PSD: variants seen among roughly 807,000 people sequenced by gnomAD.
PSD encodes the protein pleckstrin and Sec7 domain containing, also known as PH and SEC7 domain-containing protein 1.
Under a neutral mutation model 91.6 loss-of-function variants are expected in PSD, and 32 were observed. The observed-to-expected ratio is 0.35, with a 90% CI of 0.26 to 0.47. PSD has a LOEUF of 0.47. PSD is among the 20% of genes least tolerant of loss of function. The pLI is 1.00. For synonymous variants in PSD, 532 were observed against 569.3 expected, an observed-to-expected ratio of 0.93 and a Z score of 0.93; for missense variants, 1,099 against 1,373.9, an observed-to-expected ratio of 0.80 and a Z score of 3.16.
rs2061334961 is a variant in PSD at position 102,404,379 on chromosome 10, T to C, written c.2700+204A>G. Among the ~76,000 whole-genome samples the C allele has an allele frequency of 6.6e-6, 1 of 151,678 alleles. No homozygotes were observed. Among genetic ancestry groups the C allele is most frequent in the South Asian group, 2.1e-4 (1 of 4,820 alleles). On this transcript the variant is annotated intron_variant, in intron 15 of 16. Transcript: ENST00000020673. This position sits in a 1 kb window ranked among gnomAD's most constrained non-coding sequence, Gnocchi z 5.7. Reference sequence around the variant, plus strand: ...AAAAAAAAAAAAGATGCCCCTTCCTTTGGACAAACAAAGCACTATGTTTGG... The same window carrying C: ...AAAAAAAAAAAAGATGCCCCTTCCTCTGGACAAACAAAGCACTATGTTTGG...
chr10:102,407,456 G>A (rs112132242), intron 10 of PSD, among the ~76,000 whole-genome samples, 190 bp from the exon 11 acceptor site: 1 of 152,176 alleles, frequency 6.6e-6, no homozygotes, highest in Admixed American at 6.5e-5. Context: ...GCATGACTTC[G>A]GGCAAGTATC....
chr10:102,405,783 T>C lies in PSD; in HGVS notation c.2136-247A>G. On this transcript the variant is annotated intron_variant, in intron 11 of 16. Coordinates refer to ENST00000020673, the MANE Select transcript of PSD (RefSeq NM_002779.5). This position sits in a 1 kb window ranked among gnomAD's most constrained non-coding sequence, Gnocchi z 5.4. ...ACCACTGTCCCTTCCTCCCAGCAAGTAGGGCCAGCACTATCCTCTCCATTG... is the reference window on the plus strand; with the variant it reads ...ACCACTGTCCCTTCCTCCCAGCAAGCAGGGCCAGCACTATCCTCTCCATTG... 1.9e-6 allele frequency: 1 copy of C among 524,204 alleles called. No homozygotes were observed. Among genetic ancestry groups the C allele is most frequent in the East Asian group, 3.0e-5 (1 of 32,930 alleles). The allele number at this position is 524,204 out of a possible 1,614,324, so 32.5% of individuals were successfully genotyped here. A position where few individuals can be genotyped will look rare whatever the true frequency, so the allele number is the denominator to read the frequency against.
Position 102,404,088 on chromosome 10 carries a change from C to A in PSD, c.2701-103G>T. ...TTCCAGCCGGGCGCGGTGGCTCACG[C>A]CTGTAATCCCAGCACTTTGGGAGGC... On this transcript the variant is annotated intron_variant, in intron 15 of 16. Transcript: ENST00000020673. This position sits in a 1 kb window ranked among gnomAD's most constrained non-coding sequence, Gnocchi z 5.7. 3 of 1,369,058 alleles carry A rather than the reference C, an allele frequency of 2.2e-6. No individual in the cohort carries two copies. The East Asian group carries it at 7.7e-5, about 35-fold the overall frequency. 84.8% of individuals were successfully genotyped at this position (1,369,058 alleles called of 1,614,324 possible).
In PSD at chr10:102,415,134, C is replaced by T. The variant is rs759731362; in HGVS notation, c.853G>A (p.Glu285Lys). 8.1e-6 allele frequency: 13 copies of T among 1,613,726 alleles called. No homozygotes were observed. The highest frequency in any genetic ancestry group is 1.3e-5 in the African/African-American group (1 of 75,056). The change falls in exon 4 of 17, where the codon GAG (glutamate) becomes AAG (lysine). Residue 285 changes from glutamate (E) to lysine (K), a missense_variant. Glu to Lys is a moderately conservative substitution (Grantham distance 56). Coordinates refer to ENST00000020673, the MANE Select transcript of PSD (RefSeq NM_002779.5). ...AGGGGCACCGTGTCCAGGTCTGTCT[C>T]GGAGTACTTGGCTGCTCGCCCCACA... ...VAVGRAAKYS[E>K]TDLDTVPLRC...
Position 102,416,425 on chromosome 10 carries a change from G to A in PSD, c.614C>T (p.Thr205Ile). The A allele has an allele frequency of 1.2e-6, 2 of 1,610,204 alleles. No individual in the cohort carries two copies. Among genetic ancestry groups the A allele is most frequent in the Non-Finnish European group, 1.7e-6 (2 of 1,178,506 alleles). Reference protein sequence around the residue: ...GLGGPPERLATLFGGPADTGF... With the variant: ...GLGGPPERLAILFGGPADTGF... ...AGTGTCAGCAGGTCCTCCGAAGAGT[G>A]TGGCCAGGCGCTCAGGGGGGCCCCC... is the stretch of plus-strand genomic sequence containing the variant. Residue 205 changes from threonine to isoleucine, a missense_variant, in exon 2 of 17, where the codon ACA becomes ATA. Transcript: ENST00000020673. The surrounding 1 kb of genome is among the most constrained non-coding windows in gnomAD (Gnocchi z 6.0).
chr10:102,408,495 C>T (rs1254179969), intron 10 of PSD, among the ~76,000 whole-genome samples: 3 of 152,174 alleles, frequency 2.0e-5, no homozygotes, highest in Admixed American at 2.0e-4. Context: ...CCCAGCATGG[C>T]TCAGACCCTT....
chr10:102,408,265 C>T (rs892787208), intron 10 of PSD, among the ~76,000 whole-genome samples: 27 of 152,120 alleles, frequency 1.8e-4, no homozygotes, highest in Non-Finnish European at 3.8e-4. Context: ...TGGGACACAG[C>T]CTCCCCTTCA....
Position 102,417,009 on chromosome 10 carries a change from C to T in PSD, c.30G>A (p.Ser10=), listed in dbSNP as rs200392028. The T allele has an allele frequency of 4.5e-5, 71 of 1,582,336 alleles. No homozygotes were observed. Among genetic ancestry groups the T allele is most frequent in the Admixed American group, 2.6e-4 (15 of 57,032 alleles). Residue 10 remains serine (S), a synonymous_variant, in exon 2 of 17, where the codon TCG becomes TCA. Coordinates refer to ENST00000020673, the MANE Select transcript of PSD (RefSeq NM_002779.5). MAQGAMRFC[S]EGDCAISPPR... Reference sequence around the variant, plus strand: ...GTGGGGAGATGGCACAGTCGCCTTCCGAGCAGAAGCGCATGGCACCCTGGG... The same window carrying T: ...GTGGGGAGATGGCACAGTCGCCTTCTGAGCAGAAGCGCATGGCACCCTGGG...
rs993108715 is a variant in PSD at position 102,414,410 on chromosome 10, C to A, written c.1125-213G>T. Among the ~76,000 whole-genome samples the A allele has an allele frequency of 1.3e-5, 2 of 152,096 alleles. No individual in the cohort carries two copies. The highest frequency in any genetic ancestry group is 6.5e-5 in the Admixed American group (1 of 15,278). On this transcript the variant is annotated intron_variant, in intron 4 of 16. Coordinates refer to ENST00000020673, the MANE Select transcript of PSD (RefSeq NM_002779.5). This position sits in a 1 kb window ranked among gnomAD's most constrained non-coding sequence, Gnocchi z 5.6. ...CCCTACCAGTCCCCAGCACCCCATCCCCTCCCTCCCTGCTAATCTCCCTTT... is the reference window on the plus strand; with the variant it reads ...CCCTACCAGTCCCCAGCACCCCATCACCTCCCTCCCTGCTAATCTCCCTTT...
intron 10 of PSD, chr10:102,408,801 C>T (rs2061392313): frequency 2.4e-6 from 2 of 844,480 alleles, no homozygotes; most frequent in Non-Finnish European, 2.9e-6. Flanking sequence ...CTACCAGGCT[C>T]CGCCCTCGGT....
chr10:102,412,278 G>C (rs1297536891), intron 6 of PSD, 51 bp from the exon 7 acceptor site: 1 of 1,610,616 alleles, frequency 6.2e-7, no homozygotes, highest in Non-Finnish European at 8.5e-7. Flanking sequence ...AGTGCAGGGG[G>C]TCAGGTGGGG....
intron 3 of PSD, 29 bp downstream of exon 3, chr10:102,415,988 G>C: frequency 6.3e-7 from 1 of 1,575,256 alleles, no homozygotes; most frequent in Non-Finnish European, 8.7e-7. Context: ...GCCCTGCCCT[G>C]TTCTCCCTGC....
rs1051387634 is a variant in PSD at position 102,409,401 on chromosome 10, G to A, written c.2091+1457C>T. The A allele has an allele frequency of 2.1e-6, 2 of 971,614 alleles. No individual in the cohort carries two copies. Among genetic ancestry groups the A allele is most frequent in the African/African-American group, 3.5e-5 (2 of 56,990 alleles). The allele number at this position is 971,614 out of a possible 1,614,324, so 60.2% of individuals were successfully genotyped here. On this transcript the variant is annotated intron_variant, in intron 10 of 16. Transcript: ENST00000020673. This position sits in a 1 kb window ranked among gnomAD's most constrained non-coding sequence, Gnocchi z 5.7. The stretch of plus-strand genomic sequence containing the variant: ...GGCCCTCCCCGCGCGGCCACGGGGA[G>A]GAGCCTGGGGAGGCCAGCGTGGGTG...
chr10:102,404,945 G>C lies in PSD; in HGVS notation c.2508C>G (p.Val836=). The part of the protein sequence containing the change: ...RASDYSKRPH[V]FYLRTADWRV... The stretch of plus-strand genomic sequence containing the variant: ...GCCAGTCAGCTGTGCGCAGGTAGAA[G>C]ACGTGGGGCCTCTTGCTGTAGTCAC... Residue 836 remains valine (V), a synonymous_variant, in exon 14 of 17, where the codon GTC becomes GTG. Transcript: ENST00000020673. This position sits in a 1 kb window ranked among gnomAD's most constrained non-coding sequence, Gnocchi z 5.7. 1.2e-6 allele frequency: 2 copies of C among 1,614,124 alleles called. No individual in the cohort carries two copies. Among genetic ancestry groups the C allele is most frequent in the South Asian group, 2.2e-5 (2 of 91,080 alleles).
At chr10:102,418,937 C>T (rs1005086808), upstream of PSD, 3 of 347,354 alleles carry the variant, frequency 8.6e-6, no homozygotes, top group East Asian at 1.6e-4. Context: ...TGGGCTCTCC[C>T]GCCAACCTAA....
rs1275799901 is a variant in PSD, at chr10:102,410,354, G to T, written c.2091+504C>A. Among the ~76,000 whole-genome samples the T allele has an allele frequency of 6.6e-6, 1 of 152,230 alleles. No homozygotes were observed. Among genetic ancestry groups the T allele is most frequent in the South Asian group, 2.1e-4 (1 of 4,834 alleles). On this transcript the variant is annotated intron_variant, in intron 10 of 16. Transcript: ENST00000020673. This position sits in a 1 kb window ranked among gnomAD's most constrained non-coding sequence, Gnocchi z 6.0. ...GAAAGCAGTTTCTAGCTCCAGCTTT[G>T]CGCTAACTCGCTGCCAGACCTTGGA... is the stretch of plus-strand genomic sequence containing the variant.
rs776723522 is a variant in PSD at position 102,410,821 on chromosome 10, TC to T, written c.2091+36del. ...CGTCGCCGACTGGGTCCTCCATCCT[TC>T]CCCTCCAGCGACTTCTACCCTGCCC... is the stretch of plus-strand genomic sequence containing the variant. On this transcript the variant is annotated intron_variant, in intron 10 of 16. Transcript: ENST00000020673. This position sits in a 1 kb window ranked among gnomAD's most constrained non-coding sequence, Gnocchi z 6.0. The T allele has an allele frequency of 3.3e-6, 5 of 1,518,608 alleles. No homozygotes were observed. The South Asian group carries it at 4.5e-5, about 14-fold the overall frequency. The allele number at this position is 1,518,608 out of a possible 1,614,324, so 94.1% of individuals were successfully genotyped here. A position where few individuals can be genotyped will look rare whatever the true frequency, so the allele number is the denominator to read the frequency against.
At position 102,408,843 on chromosome 10, in the gene PSD, C is replaced by T. The variant is rs2061393119; in HGVS notation, c.2092-1577G>A. The stretch of plus-strand genomic sequence containing the variant: ...CGCCCTCGGTGCCTCCCACAAGCCG[C>T]CCCCTCGGTCGCCCCGCAACCTGGC... On this transcript the variant is annotated intron_variant, in intron 10 of 16. Coordinates refer to ENST00000020673, the MANE Select transcript of PSD (RefSeq NM_002779.5). 11 of 980,346 alleles carry T rather than the reference C, an allele frequency of 1.1e-5. No individual in the cohort carries two copies. The South Asian group carries it at 4.7e-4, about 42-fold the overall frequency. 60.7% of individuals were successfully genotyped at this position (980,346 alleles called of 1,614,324 possible).
chr10:102,416,040 C>T lies in PSD; in HGVS notation c.734G>A (p.Gly245Asp), dbSNP rs754656545. ...ACCTGAGCTGGGGGGGTCCAAGGAGCCATAGAAGAATTCCCATTTGGCTCT... is the reference window on the plus strand; with the variant it reads ...ACCTGAGCTGGGGGGGTCCAAGGAGTCATAGAAGAATTCCCATTTGGCTCT... Reference protein sequence around the residue: ...IARAKWEFFYGSLDPPSSGAK... With the variant: ...IARAKWEFFYDSLDPPSSGAK... Residue 245 changes from glycine to aspartate, a missense_variant, in exon 3 of 17, where the codon GGC becomes GAC. Gly to Asp is a moderately conservative substitution (Grantham distance 94). Transcript: ENST00000020673. This position sits in a 1 kb window ranked among gnomAD's most constrained non-coding sequence, Gnocchi z 6.0. 11 of 1,613,528 alleles carry T rather than the reference C, an allele frequency of 6.8e-6. No homozygotes were observed. In the South Asian group the frequency reaches 1.2e-4, roughly 18 times the overall value.
Sources: allele counts gnomAD v4.1 joint callset (sites outside exome capture counted in the v4.1 genomes callset), GRCh38; gene constraint gnomAD v4.1.1; non-coding constraint Gnocchi (gnomAD v3.1); transcripts MANE v1.5; gene names NCBI Gene and HGNC (gene_info 2026-07-23, HGNC 2026-07-21).